Variants in GALNT9 observed in about 807,000 individuals in gnomAD.
GALNT9 encodes the protein polypeptide N-acetylgalactosaminyltransferase 9, also known as GalNAc transferase 9.
In GALNT9, 47 loss-of-function variants were observed where a neutral mutation model predicts 63.1. That is an observed-to-expected ratio of 0.75 (90% CI 0.59 to 0.95). The LOEUF (loss-of-function observed/expected upper bound fraction) is 0.95. Among genes scored for constraint, GALNT9 ranks in the 40% least tolerant of loss-of-function variants. The probability of loss-of-function intolerance (pLI) is 0.00; values close to 1 mark genes in which losing one functional copy is unlikely to be tolerated. For missense variants in GALNT9, 829 were observed against 874.8 expected (o/e 0.95, Z 0.66); for synonymous variants, 396 against 365.7 (o/e 1.08, Z -0.94).
intron 8 of GALNT9, 187 bp downstream of exon 8, chr12:132,200,936 AC>A: frequency 1.7e-6 from 1 of 592,052 alleles, no homozygotes; most frequent in Admixed American, 3.2e-5. Flanking sequence ...TGCCTGCATC[AC>A]CGTGAATGCA....
chr12:132,247,839 C>A, intron 6 of GALNT9, 71 bp downstream of exon 6: 1 of 1,544,204 alleles, frequency 6.5e-7, no homozygotes. Context: ...CTCACTCGCC[C>A]TCATCCTGTT....
At chr12:132,220,462 T>G (rs369363219) in intron 6 of GALNT9, among the ~76,000 whole-genome samples, 4 of 152,104 alleles carry the variant, frequency 2.6e-5, no homozygotes, top group East Asian at 1.9e-4. Flanking sequence ...AAAACAACTA[T>G]AAAAAAAGAA....
chr12:132,217,427 C>T (rs1172326056), intron 6 of GALNT9, among the ~76,000 whole-genome samples: 1 of 146,464 alleles, frequency 6.8e-6, no homozygotes, highest in Non-Finnish European at 1.5e-5. Context: ...CTCATCCATC[C>T]ATCCACTCAT....
At chr12:132,287,343 T>C (rs991578415) in intron 1 of GALNT9, among the ~76,000 whole-genome samples, 3 of 152,164 alleles carry the variant, frequency 2.0e-5, no homozygotes, top group African/African-American at 7.2e-5. Flanking sequence ...GTTAAAAATA[T>C]TAACCCGAAA....
intron 2 of GALNT9, among the ~76,000 whole-genome samples, chr12:132,266,078 C>T (rs1735728283): frequency 1.3e-5 from 2 of 149,350 alleles, no homozygotes; most frequent in South Asian, 4.2e-4. Flanking sequence ...GCCTGTCTGC[C>T]TTTACACGCC....
At chr12:132,314,869 C>T (rs1555245594) in intron 1 of GALNT9, among the ~76,000 whole-genome samples, 4 of 152,206 alleles carry the variant, frequency 2.6e-5, no homozygotes, top group South Asian at 4.1e-4. Flanking sequence ...GCAGTGGAGT[C>T]GGGCTGGAAG....
At chr12:132,325,652 T>G (rs900915840) in intron 1 of GALNT9, among the ~76,000 whole-genome samples, 2 of 152,256 alleles carry the variant, frequency 1.3e-5, no homozygotes, top group African/African-American at 4.8e-5. Context: ...TGGACCTCTC[T>G]GGGCCCCGTG....
chr12:132,216,314 C>T (rs1435140955), intron 6 of GALNT9, among the ~76,000 whole-genome samples: 1 of 152,224 alleles, frequency 6.6e-6, no homozygotes, highest in Non-Finnish European at 1.5e-5. Context: ...GAGAGGGGCA[C>T]AGCCCCTTGC....
Position 132,319,067 on chromosome 12 carries a change from G to A in GALNT9, c.238+9899C>T, listed in dbSNP as rs28452838. ...GAGACAGACCTGGGTGTCCGTGGCC[G>A]CCACCGAGCCACCAAGCCTGCAGCG... On this transcript the variant is annotated intron_variant, in intron 1 of 10. Coordinates refer to ENST00000328957, the MANE Select transcript of GALNT9 (RefSeq NM_001122636.2). The surrounding 1 kb of genome is among the most constrained non-coding windows in gnomAD (Gnocchi z 5.2). 0.42 allele frequency among the ~76,000 whole-genome samples: 64,345 copies of A among 152,034 alleles called. 13,912 individuals carry two copies. Among genetic ancestry groups the A allele is most frequent in the African/African-American group, 0.52 (21,436 of 41,478 alleles).
chr12:132,211,911 G>A (rs928947977), intron 6 of GALNT9, among the ~76,000 whole-genome samples: 3 of 152,220 alleles, frequency 2.0e-5, no homozygotes, highest in Non-Finnish European at 2.9e-5. Flanking sequence ...CCCATGTGAC[G>A]GTTTTACATC....
Position 132,203,715 on chromosome 12 carries a change from C to T in GALNT9, c.1078-25G>A, listed in dbSNP as rs117208803. On this transcript the variant is annotated intron_variant, in intron 6 of 10. Transcript: ENST00000328957. The stretch of plus-strand genomic sequence containing the variant: ...CCTGCGGGGAGACGGCGCTGGGTGC[C>T]GGCGTCCTTCCCAACGGAAGCGGGC... 67 of 1,603,906 alleles carry T rather than the reference C, an allele frequency of 4.2e-5. No individual in the cohort carries two copies. The Middle Eastern group carries it at 1.6e-3, about 39-fold the overall frequency.
intron 1 of GALNT9, among the ~76,000 whole-genome samples, chr12:132,298,593 C>T (rs1593112526): frequency 6.6e-6 from 1 of 151,410 alleles, no homozygotes; most frequent in Non-Finnish European, 1.5e-5. Flanking sequence ...GATAACTAAC[C>T]TGCTCCCACC....
chr12:132,201,849 C>T (rs1565982574), intron 7 of GALNT9, among the ~76,000 whole-genome samples: 1 of 152,188 alleles, frequency 6.6e-6, no homozygotes, highest in Non-Finnish European at 1.5e-5. Context: ...TGTCCTCTGC[C>T]GTGAGAACCC....
intron 1 of GALNT9, among the ~76,000 whole-genome samples, chr12:132,294,451 G>A (rs570871556): frequency 6.6e-6 from 1 of 152,366 alleles, no homozygotes; most frequent in Admixed American, 6.5e-5. Context: ...ATCCACAGGT[G>A]CACGTCAGGC....
At chr12:132,208,080 C>G (rs1297568426) in intron 6 of GALNT9, among the ~76,000 whole-genome samples, 1 of 152,208 alleles carries the variant, frequency 6.6e-6, no homozygotes, top group African/African-American at 2.4e-5. Context: ...GAGATTGATG[C>G]TTATGCAGAG....
chr12:132,284,940 C>T (rs1880531180), intron 2 of GALNT9, among the ~76,000 whole-genome samples: 1 of 152,232 alleles, frequency 6.6e-6, no homozygotes, highest in South Asian at 2.1e-4. Flanking sequence ...ACATGGGGAA[C>T]CCCAGAGCAG....
intron 6 of GALNT9, among the ~76,000 whole-genome samples, chr12:132,217,020 T>G (rs1877224604): frequency 6.6e-6 from 1 of 152,168 alleles, no homozygotes; most frequent in South Asian, 2.1e-4. Context: ...AGGATGAGAC[T>G]TCACCTCTCA....
In GALNT9 at chr12:132,310,077, TC is replaced by T. The variant is rs1881758962; in HGVS notation, c.238+18888del. 6.6e-6 allele frequency among the ~76,000 whole-genome samples: 1 copy of T among 152,250 alleles called. No individual in the cohort carries two copies. The highest frequency in any genetic ancestry group is 2.4e-5 in the African/African-American group (1 of 41,466). ...AGGAGACTGCTGGAATCTGAGGTTT[TC>T]ACCTTTTATCCACAGCCCTGTACTG... is the stretch of plus-strand genomic sequence containing the variant. On this transcript the variant is annotated intron_variant, in intron 1 of 10. Coordinates refer to ENST00000328957, the MANE Select transcript of GALNT9 (RefSeq NM_001122636.2). This position sits in a 1 kb window ranked among gnomAD's most constrained non-coding sequence, Gnocchi z 4.8.
chr12:132,293,054 G>A (rs1365414145), intron 1 of GALNT9, among the ~76,000 whole-genome samples: 2 of 152,230 alleles, frequency 1.3e-5, no homozygotes, highest in East Asian at 3.9e-4. Context: ...GGAGTGGCGG[G>A]GCCAGGGCTG....
Sources: allele counts gnomAD v4.1 joint callset (sites outside exome capture counted in the v4.1 genomes callset), GRCh38; gene constraint gnomAD v4.1.1; non-coding constraint Gnocchi (gnomAD v3.1); transcripts MANE v1.5; gene names NCBI Gene and HGNC (gene_info 2026-07-23, HGNC 2026-07-21).